Variants in RPS6KA4 observed in about 807,000 individuals in gnomAD.
RPS6KA4 encodes ribosomal protein S6 kinase A4.
Under a neutral mutation model 89.6 loss-of-function variants are expected in RPS6KA4, and 38 were observed. The observed-to-expected ratio is 0.42, with a 90% confidence interval of 0.33 to 0.56. RPS6KA4 has a LOEUF of 0.56. Ranked by LOEUF, RPS6KA4 falls within the 20% of genes least tolerant of loss-of-function variation. The pLI is 0.07. For missense variants in RPS6KA4, 873 were observed against 1,098.8 expected (o/e 0.79, Z 2.90); for synonymous variants, 495 against 492.8 (o/e 1.00, Z -0.06).
chr11:64,368,096 A>C, intron 9 of RPS6KA4, 36 bp from the exon 10 acceptor site: 1 of 1,607,756 alleles, frequency 6.2e-7, no homozygotes. Context: ...CCCAACCCCC[A>C]TGCCCATGCC....
rs777863280 is a variant in RPS6KA4, at chr11:64,369,723, C to T, written c.1627C>T (p.Pro543Ser). The T allele has an allele frequency of 2.5e-6, 4 of 1,610,762 alleles. No individual in the cohort carries two copies. The highest frequency in any genetic ancestry group is 3.4e-6 in the Non-Finnish European group (4 of 1,178,702). Residue 543 changes from proline to serine, a missense_variant, in exon 14 of 17, where the codon CCC (proline) becomes TCC (serine). Coordinates refer to ENST00000334205, the MANE Select transcript of RPS6KA4 (RefSeq NM_003942.3). Reference sequence around the variant, plus strand: ...GAACATCCTGTACGCCGACGACACGCCCGGGGCCCCGGTGAAAATCATCGA... The same window carrying T: ...GAACATCCTGTACGCCGACGACACGTCCGGGGCCCCGGTGAAAATCATCGA... ...PENILYADDT[P>S]GAPVKIIDFG...
Position 64,360,577 on chromosome 11 carries a change from G to C in RPS6KA4, c.447G>C (p.Leu149=). 3 of 1,608,264 alleles carry C rather than the reference G, an allele frequency of 1.9e-6. No individual in the cohort carries two copies. The highest frequency in any genetic ancestry group is 2.5e-6 in the Non-Finnish European group (3 of 1,177,452). ...RVYGGEIVLA[L]EHLHKLGIIY... ...ATGGGGGTGAGATCGTGCTGGCCCT[G>C]GAACACCTGCACAAGGTGGGTGAAG... Residue 149 remains leucine (L), a synonymous_variant, in exon 4 of 17, where the codon CTG becomes CTC. Coordinates refer to ENST00000334205, the MANE Select transcript of RPS6KA4 (RefSeq NM_003942.3).
chr11:64,367,371 C>T (rs1405525206), intron 9 of RPS6KA4, among the ~76,000 whole-genome samples: 1 of 152,206 alleles, frequency 6.6e-6, no homozygotes, highest in Non-Finnish European at 1.5e-5. Flanking sequence ...AGTGCAATGG[C>T]ATGATATCGG....
intron 8 of RPS6KA4, among the ~76,000 whole-genome samples, chr11:64,364,245 G>A (rs1297971462): frequency 1.3e-5 from 2 of 151,200 alleles, no homozygotes; most frequent in Non-Finnish European, 2.9e-5. Flanking sequence ...CATCTAAGCT[G>A]TCTCCCAGGT....
rs2036951320 is a variant in RPS6KA4, at chr11:64,368,501, C to G, written c.1234C>G (p.Leu412Val). ...SPFFQQYELDLREPALGQGSF... is the reference protein window; with the variant it reads ...SPFFQQYELDVREPALGQGSF... ...CTTCTTCCAGCAGTACGAGCTGGACCTGCGGGAGCCTGCGCTGGGCCAGGG... is the reference window on the plus strand; with the variant it reads ...CTTCTTCCAGCAGTACGAGCTGGACGTGCGGGAGCCTGCGCTGGGCCAGGG... The change falls in exon 11 of 17, where the codon CTG (leucine) becomes GTG (valine). Residue 412 changes from leucine to valine, a missense_variant. Physicochemically the swap from Leu to Val is conservative, Grantham distance 32 (BLOSUM62 1). Transcript: ENST00000334205. 1 of 1,560,932 alleles carries G rather than the reference C, an allele frequency of 6.4e-7. No homozygotes were observed. Among genetic ancestry groups the G allele is most frequent in the South Asian group, 1.2e-5 (1 of 84,930 alleles).
chr11:64,368,382 C>G, intron 10 of RPS6KA4, 86 bp from the exon 11 acceptor site: 6 of 1,542,144 alleles, frequency 3.9e-6, no homozygotes, highest in South Asian at 1.2e-5. Flanking sequence ...TAAGCCTCTC[C>G]GACATGGGGC....
intron 2 of RPS6KA4, 98 bp from the exon 3 acceptor site, chr11:64,360,065 A>G (rs111913185): frequency 5.9e-6 from 7 of 1,196,184 alleles, no homozygotes; most frequent in South Asian, 1.5e-5. Flanking sequence ...CCTTCGCCTC[A>G]TTTGCACACC....
At position 64,361,692 on chromosome 11, in the gene RPS6KA4, G is replaced by T; in HGVS notation, c.702G>T (p.Gly234=). 1.2e-6 allele frequency: 2 copies of T among 1,612,250 alleles called. No individual in the cohort carries two copies. The highest frequency in any genetic ancestry group is 1.1e-5 in the South Asian group (1 of 91,038). The part of the protein sequence containing the change: ...LGILLFELLT[G]ASPFTLEGER... ...TCTTGCTCTTCGAGCTGCTGACGGG[G>T]GCCTCGCCCTTCACCCTGGAGGGCG... Residue 234 remains glycine, a synonymous_variant, in exon 7 of 17, where the codon GGG becomes GGT. Coordinates refer to ENST00000334205, the MANE Select transcript of RPS6KA4 (RefSeq NM_003942.3). This position sits in a 1 kb window ranked among gnomAD's most constrained non-coding sequence, Gnocchi z 4.7.
chr11:64,369,335 G>T (rs1034251408), intron 12 of RPS6KA4, 111 bp from the exon 13 acceptor site: 14 of 1,147,928 alleles, frequency 1.2e-5, no homozygotes, highest in Non-Finnish European at 1.7e-5. Flanking sequence ...CTTTGAGGAG[G>T]GGGTTCTCGA....
intron 8 of RPS6KA4, among the ~76,000 whole-genome samples, chr11:64,365,029 A>G (rs1463643302): frequency 6.6e-6 from 1 of 151,856 alleles, no homozygotes; most frequent in African/African-American, 2.4e-5. Flanking sequence ...CTGGGATCAC[A>G]GGCATGAGCC....
At position 64,368,009 on chromosome 11, in the gene RPS6KA4, T is replaced by C; in HGVS notation, c.1072-123T>C. 3.0e-6 allele frequency: 3 copies of C among 987,490 alleles called. No individual in the cohort carries two copies. In the South Asian group the frequency reaches 4.7e-5, roughly 15 times the overall value. The allele number at this position is 987,490 out of a possible 1,614,324, so 61.2% of individuals were successfully genotyped here. ...CATCCTGTGTGTACCAGAATGCAAC[T>C]GGAACACCCCCCACTGCCCCCTTGT... On this transcript the variant is annotated intron_variant, in intron 9 of 16. Coordinates refer to ENST00000334205, the MANE Select transcript of RPS6KA4 (RefSeq NM_003942.3).
At chr11:64,368,914 C>A in intron 12 of RPS6KA4, 117 bp downstream of exon 12, 2 of 960,588 alleles carry the variant, frequency 2.1e-6, no homozygotes, top group Non-Finnish European at 3.1e-6. Flanking sequence ...GATTCGGGGC[C>A]CAAAGGGACC....
rs1210653065 is a variant in RPS6KA4, at chr11:64,368,123, G to A, written c.1072-9G>A. On this transcript the variant is annotated splice_polypyrimidine_tract_variant and intron_variant, in intron 9 of 16. Transcript: ENST00000334205. ...GCCCATGCCCATTCCCCGGACTCCC[G>A]CCCTGCAGGGATACTCCTTTGTGGC... 5.0e-6 allele frequency: 8 copies of A among 1,613,010 alleles called. No individual in the cohort carries two copies. In the African/African-American group the frequency reaches 5.3e-5, roughly 11 times the overall value.
Position 64,361,693 on chromosome 11 carries a change from G to A in RPS6KA4, c.703G>A (p.Ala235Thr), listed in dbSNP as rs905501710. The A allele has an allele frequency of 5.0e-6, 8 of 1,612,098 alleles. No individual in the cohort carries two copies. Among genetic ancestry groups the A allele is most frequent in the Admixed American group, 3.4e-5 (2 of 59,670 alleles). ...GILLFELLTG[A>T]SPFTLEGERN... is the part of the protein sequence containing the mutation. ...CTTGCTCTTCGAGCTGCTGACGGGG[G>A]CCTCGCCCTTCACCCTGGAGGGCGA... The change falls in exon 7 of 17, where the codon GCC becomes ACC. Residue 235 changes from alanine (A) to threonine (T), a missense_variant. Ala to Thr is a moderately conservative substitution (Grantham distance 58). Around this residue, in one of 4 missense-constraint regions of RPS6KA4, gnomAD observed 542 missense variants for 736.4 expected, o/e 0.74. Coordinates refer to ENST00000334205, the MANE Select transcript of RPS6KA4 (RefSeq NM_003942.3). The surrounding 1 kb of genome is among the most constrained non-coding windows in gnomAD (Gnocchi z 4.7).
Position 64,360,491 on chromosome 11 carries a change from G to A in RPS6KA4, c.361G>A (p.Gly121Arg). The change falls in exon 4 of 17, where the codon GGG becomes AGG. Residue 121 changes from glycine to arginine, a missense_variant. This residue lies in a region of RPS6KA4 where 542 missense variants were observed against 736.4 expected (regional missense o/e 0.74). Coordinates refer to ENST00000334205, the MANE Select transcript of RPS6KA4 (RefSeq NM_003942.3). ...LHLILDYVSG[G>R]EMFTHLYQRQ... ...GCACCTCCCAGACTATGTGAGCGGC[G>A]GGGAGATGTTCACCCACCTCTACCA... 1 of 1,610,920 alleles carries A rather than the reference G, an allele frequency of 6.2e-7. No homozygotes were observed. Among genetic ancestry groups the A allele is most frequent in the Non-Finnish European group, 8.5e-7 (1 of 1,178,324 alleles).
Position 64,359,201 on chromosome 11 carries a change from G to T in RPS6KA4, c.-35G>T. On this transcript the variant is annotated 5_prime_UTR_variant, in exon 1 of 17. Coordinates refer to ENST00000334205, the MANE Select transcript of RPS6KA4 (RefSeq NM_003942.3). ...CGCCATGTAACCGGCGCCGCCCGGA[G>T]CCCGAGCCGCGCGGGCCCCAGCGAC... The T allele has an allele frequency of 1.6e-6, 2 of 1,286,200 alleles. No homozygotes were observed. Among genetic ancestry groups the T allele is most frequent in the Non-Finnish European group, 2.0e-6 (2 of 1,009,088 alleles). 79.7% of individuals were successfully genotyped at this position (1,286,200 alleles called of 1,614,324 possible).
chr11:64,359,266 G>A lies in RPS6KA4; in HGVS notation c.31G>A (p.Ala11Thr). The A allele has an allele frequency of 2.6e-6, 4 of 1,542,364 alleles. No homozygotes were observed. Among genetic ancestry groups the A allele is most frequent in the Non-Finnish European group, 3.5e-6 (4 of 1,141,020 alleles). The change falls in exon 1 of 17, where the codon GCC becomes ACC. Residue 11 changes from alanine to threonine, a missense_variant. Physicochemically the swap from Ala to Thr is moderately conservative, Grantham distance 58. This residue lies in a region of RPS6KA4 where 49 missense variants were observed against 51.9 expected (regional missense o/e 0.94). Coordinates refer to ENST00000334205, the MANE Select transcript of RPS6KA4 (RefSeq NM_003942.3). ...GGACGAGGACGACGATGAGAGCTGC[G>A]CCGTGGAGCTGCGGATCACAGAAGG... MGDEDDDESC[A>T]VELRITEANL...
intron 8 of RPS6KA4, 79 bp from the exon 9 acceptor site, chr11:64,365,222 G>T: frequency 1.3e-6 from 2 of 1,522,568 alleles, no homozygotes; most frequent in Non-Finnish European, 8.9e-7. Flanking sequence ...TGGAGGAACT[G>T]CCCAGTGAGG....
In RPS6KA4 at chr11:64,370,025, G is replaced by T; in HGVS notation, c.1797+132G>T. 1 of 1,155,280 alleles carries T rather than the reference G, an allele frequency of 8.7e-7. No individual in the cohort carries two copies. Among genetic ancestry groups the T allele is most frequent in the East Asian group, 2.6e-5 (1 of 38,220 alleles). 71.6% of individuals were successfully genotyped at this position (1,155,280 alleles called of 1,614,324 possible). ...CTGGGTTTCGTCCGAAGCTGGGATC[G>T]GGGTGGTTCAAATACAGAGGTGGGG... On this transcript the variant is annotated intron_variant, in intron 14 of 16. Coordinates refer to ENST00000334205, the MANE Select transcript of RPS6KA4 (RefSeq NM_003942.3). The surrounding 1 kb of genome is among the most constrained non-coding windows in gnomAD (Gnocchi z 4.1).
Sources: gnomAD v4.1 joint callset for allele counts (sites outside exome capture counted in the v4.1 genomes callset) on GRCh38, gnomAD v4.1.1 for gene constraint, gnomAD v4.1.1 regional missense constraint, Gnocchi (gnomAD v3.1) non-coding constraint, MANE v1.5 for transcripts, NCBI Gene and HGNC (gene_info 2026-07-23, HGNC 2026-07-21) for gene names.